The following DMD variants were observed in gnomAD, a reference collection of about 807,000 sequenced individuals.
The protein encoded by DMD is mutant dystrophin.
A neutral mutation model predicts 330.1 loss-of-function variants in DMD; 63 were observed. The observed-to-expected ratio is 0.19, with a 90% CI of 0.16 to 0.24. DMD has a LOEUF of 0.24. Among genes scored for constraint, DMD ranks in the 10% least tolerant of loss-of-function variants. The pLI, the probability that DMD is intolerant of heterozygous loss-of-function variation, is 1.00. For synonymous variants in DMD, 1,223 were observed against 959.8 expected, an observed-to-expected ratio of 1.27 and a Z score of -5.07; for missense variants, 3,344 against 2,684.1, an observed-to-expected ratio of 1.25 and a Z score of -5.43.
intron 43 of DMD, among the ~76,000 whole-genome samples, chrX:32,219,516 T>A (rs2097125188): frequency 8.9e-6 from 1 of 111,735 alleles, no homozygotes; most frequent in Admixed American, 9.6e-5. Flanking sequence ...AAAAATGAAA[T>A]AATTTAAAAT....
chrX:31,352,054 T>A (rs923321432), intron 60 of DMD, among the ~76,000 whole-genome samples: 2 of 111,377 alleles, frequency 1.8e-5, no homozygotes, highest in Admixed American at 9.6e-5. Context: ...TGAAAAAAAG[T>A]ATTTTATAAA....
chrX:33,083,564 A>C (rs2094961727), intron 1 of DMD, among the ~76,000 whole-genome samples: 2 of 111,511 alleles, frequency 1.8e-5, no homozygotes, highest in African/African-American at 6.5e-5. Context: ...CAGACAAATA[A>C]GGAGGGTTCT....
intron 11 of DMD, among the ~76,000 whole-genome samples, chrX:32,629,814 T>C (rs1031585121): frequency 9.6e-6 from 1 of 104,487 alleles, no homozygotes; most frequent in East Asian, 2.9e-4. Flanking sequence ...AAAAAAAAAA[T>C]GCTACACTTT....
chrX:32,792,916 CAAAG>C (rs752835211), intron 7 of DMD, among the ~76,000 whole-genome samples: 1 of 112,015 alleles, frequency 8.9e-6, no homozygotes, highest in East Asian at 2.8e-4. Flanking sequence ...AAAAAATTAA[CAAAG>C]AAACATTGGC....
chrX:31,971,678 G>T (rs1027589961), intron 44 of DMD, among the ~76,000 whole-genome samples: 1 of 111,276 alleles, frequency 9.0e-6, no homozygotes, highest in African/African-American at 3.3e-5. Flanking sequence ...TTTCTGAGCT[G>T]GAAAAGATAA....
intron 54 of DMD, among the ~76,000 whole-genome samples, chrX:31,637,497 T>G (rs2079484145): frequency 9.0e-6 from 1 of 111,393 alleles, no homozygotes; most frequent in African/African-American, 3.2e-5. Flanking sequence ...GACTTATGAA[T>G]ATACCACTTA....
intron 44 of DMD, chrX:32,102,145 G>A (rs189799716): frequency 9.0e-6 from 1 of 111,647 alleles, no homozygotes; most frequent in Non-Finnish European, 1.9e-5. Flanking sequence ...GTTAGTACTT[G>A]GATGGGAGAA....
intron 51 of DMD, among the ~76,000 whole-genome samples, chrX:31,736,041 C>G (rs1017930867): frequency 9.0e-6 from 1 of 111,424 alleles, no homozygotes; most frequent in South Asian, 3.7e-4. Context: ...TCATTTTTCA[C>G]TGGGCTCTAC....
At chrX:32,461,096 A>G (rs979105121) in intron 25 of DMD, among the ~76,000 whole-genome samples, 2 of 111,901 alleles carry the variant, frequency 1.8e-5, no homozygotes, top group Non-Finnish European at 3.8e-5. Context: ...TGTATCAGAT[A>G]TTTGGACAAT....
intron 54 of DMD, among the ~76,000 whole-genome samples, chrX:31,628,927 T>G (rs2148431184): frequency 9.7e-6 from 1 of 103,586 alleles, no homozygotes; most frequent in South Asian, 4.2e-4. Context: ...TATATATATA[T>G]ATATATATAT....
intron 7 of DMD, among the ~76,000 whole-genome samples, chrX:32,782,259 C>T (rs1218235313): frequency 2.7e-5 from 3 of 111,569 alleles, no homozygotes; most frequent in Non-Finnish European, 5.6e-5. Flanking sequence ...AGCCTACAGA[C>T]TTGGTGTGTA....
In DMD at chrX:31,522,371, A is replaced by C. The variant is rs745966712; in HGVS notation, c.8218-14918T>G. Among the ~76,000 whole-genome samples, 592 of 73,774 alleles carry C rather than the reference A, an allele frequency of 8.0e-3. 9 individuals carry two copies. The highest frequency in any genetic ancestry group is 0.024 in the African/African-American group (348 of 14,367). The allele number at this position is 73,774 out of a possible 115,157, so 64.1% of individuals were successfully genotyped here. A position where few individuals can be genotyped will look rare whatever the true frequency, so the allele number is the denominator to read the frequency against. ...TCTCTCTCTCTCTCTCTCTATATAT[A>C]TATATATATATATATAGCTGCACAG... On this transcript the variant is annotated intron_variant, in intron 55 of 78. Transcript: ENST00000357033.
At chrX:32,686,378 G>T (rs6631619) in intron 9 of DMD, among the ~76,000 whole-genome samples, 16,931 of 108,550 alleles carry the variant, frequency 0.16, 3,224 homozygotes, top group African/African-American at 0.53. Context: ...GCCAAAATGG[G>T]GAAACCTCGT....
chrX:32,837,306 T>A (rs1281850517), intron 4 of DMD, among the ~76,000 whole-genome samples: 1 of 112,051 alleles, frequency 8.9e-6, no homozygotes, highest in African/African-American at 3.2e-5. Flanking sequence ...CTTGGACTTC[T>A]GGTTAGACTA....
intron 60 of DMD, among the ~76,000 whole-genome samples, chrX:31,433,191 CT>C (rs1210619639): frequency 8.9e-6 from 1 of 111,912 alleles, no homozygotes; most frequent in African/African-American, 3.2e-5. Flanking sequence ...GGATAATGAC[CT>C]CCAGTTCCAA....
At chrX:31,201,198 C>T (rs777666096) in intron 67 of DMD, among the ~76,000 whole-genome samples, 14 of 108,026 alleles carry the variant, frequency 1.3e-4, no homozygotes, top group African/African-American at 4.7e-4. Context: ...CACACACACA[C>T]GCACACACAC....
At chrX:31,208,574 T>G (rs1267568418) in intron 65 of DMD, among the ~76,000 whole-genome samples, 1 of 111,838 alleles carries the variant, frequency 8.9e-6, no homozygotes, top group Non-Finnish European at 1.9e-5. Context: ...AATAGTCAGG[T>G]GGTCCTGAAA....
At chrX:32,859,198 T>G (rs1006698365) in intron 2 of DMD, among the ~76,000 whole-genome samples, 3 of 111,303 alleles carry the variant, frequency 2.7e-5, no homozygotes, top group African/African-American at 9.8e-5. Context: ...CCAGGTGCAG[T>G]GGCTCACACC....
chrX:31,876,763 G>A (rs2093975381), intron 47 of DMD, among the ~76,000 whole-genome samples: 1 of 110,140 alleles, frequency 9.1e-6, no homozygotes, highest in Non-Finnish European at 1.9e-5. Context: ...CAAGAGTAAA[G>A]CTATTTTCTT....
Sources: allele counts gnomAD v4.1 joint callset (sites outside exome capture counted in the v4.1 genomes callset), GRCh38; gene constraint gnomAD v4.1.1; transcripts MANE v1.5; gene names NCBI Gene and HGNC (gene_info 2026-07-23, HGNC 2026-07-21).